Variants in ANKRD10 observed in about 807,000 individuals in gnomAD.
The protein encoded by ANKRD10 is ankyrin repeat domain 10, also known as ankyrin repeat domain-containing protein 10.
In ANKRD10, 14 loss-of-function variants were observed where a neutral mutation model predicts 27.0. The observed-to-expected ratio is 0.52, with a 90% CI of 0.34 to 0.81. The LOEUF is 0.81. Ranked by LOEUF, ANKRD10 falls within the 40% of genes least tolerant of loss-of-function variation. The pLI is 0.01. For synonymous variants in ANKRD10, 250 were observed against 224.5 expected (o/e 1.11, Z -1.01); for missense variants, 493 against 544.0 (o/e 0.91, Z 0.93).
chr13:110,904,953 G>A (rs939959225), intron 3 of ANKRD10: 8 of 152,152 alleles, frequency 5.3e-5, no homozygotes, highest in African/African-American at 1.7e-4. Flanking sequence ...TAGCCTGTAT[G>A]GTTTTGCTGT....
In ANKRD10 at chr13:110,893,021, G is replaced by C. The variant is rs1325475589; in HGVS notation, c.691+7C>G. ...GTGTGCTCTTCCCACCCGCAAAGCG[G>C]TCTCACCTTCAGTTCTAGCTTTCTT... On this transcript the variant is annotated splice_region_variant and intron_variant, in intron 4 of 5. Coordinates refer to ENST00000267339, the MANE Select transcript of ANKRD10 (RefSeq NM_017664.4). 6.2e-7 allele frequency: 1 copy of C among 1,613,466 alleles called. No homozygotes were observed. The highest frequency in any genetic ancestry group is 8.5e-7 in the Non-Finnish European group (1 of 1,179,758).
In ANKRD10 at chr13:110,915,005, C is replaced by A; in HGVS notation, c.-71G>T. Reference sequence around the variant, plus strand: ...TCGGGGAGGACTCGAGAAGCCGCCGCCGCAGCACAAAGGAACGAGACTAGC... The same window carrying A: ...TCGGGGAGGACTCGAGAAGCCGCCGACGCAGCACAAAGGAACGAGACTAGC... On this transcript the variant is annotated 5_prime_UTR_variant, in exon 1 of 6. Transcript: ENST00000267339. The A allele has an allele frequency of 6.7e-7, 1 of 1,483,740 alleles. No homozygotes were observed. The highest frequency in any genetic ancestry group is 8.9e-7 in the Non-Finnish European group (1 of 1,122,084). 91.9% of individuals were successfully genotyped at this position (1,483,740 alleles called of 1,614,324 possible). A position where few individuals can be genotyped will look rare whatever the true frequency, so the allele number is the denominator to read the frequency against.
At chr13:110,885,024 A>C (rs545525991) in intron 4 of ANKRD10, among the ~76,000 whole-genome samples, 1 of 150,698 alleles carries the variant, frequency 6.6e-6, no homozygotes, top group Non-Finnish European at 1.5e-5. Flanking sequence ...GAACAGTGTG[A>C]TTTGTGTAGT....
rs1192763880 is a variant in ANKRD10, at chr13:110,893,099, C to T, written c.620G>A (p.Ser207Asn). 2 of 1,614,116 alleles carry T rather than the reference C, an allele frequency of 1.2e-6. No individual in the cohort carries two copies. The highest frequency in any genetic ancestry group is 2.7e-5 in the African/African-American group (2 of 74,930). Residue 207 changes from serine to asparagine, a missense_variant, in exon 4 of 6, where the codon AGT becomes AAT. Ser to Asn is a conservative substitution (Grantham distance 46, BLOSUM62 1). Transcript: ENST00000267339. ...GCATCTCTTTCGATTTGTTCCCACA[C>T]TAATATGATTAGGAAATACATTCTG... ...GHQNVFPNHISVGTNRKRCLE... is the reference protein window; with the variant it reads ...GHQNVFPNHINVGTNRKRCLE...
intron 3 of ANKRD10, among the ~76,000 whole-genome samples, chr13:110,903,872 G>A (rs763668236): frequency 8.6e-5 from 13 of 151,904 alleles, no homozygotes; most frequent in East Asian, 1.9e-4. Context: ...CTCCTTGAAC[G>A]TCTTAAAAAA....
intron 1 of ANKRD10, among the ~76,000 whole-genome samples, chr13:110,913,372 T>C (rs1306874163): frequency 3.3e-5 from 5 of 152,182 alleles, no homozygotes. Flanking sequence ...GGAGGCTTTA[T>C]TACTTTTGTT....
intron 4 of ANKRD10, among the ~76,000 whole-genome samples, chr13:110,886,965 G>C (rs897884395): frequency 1.3e-5 from 2 of 152,168 alleles, no homozygotes; most frequent in African/African-American, 4.8e-5. Flanking sequence ...TAGTACACCT[G>C]AGACACAACG....
rs1222436825 is a variant in ANKRD10 at position 110,915,032 on chromosome 13, C to T, written c.-98G>A. The T allele has an allele frequency of 3.5e-6, 5 of 1,442,948 alleles. No individual in the cohort carries two copies. In the Admixed American group the frequency reaches 7.7e-5, roughly 22 times the overall value. 89.4% of individuals were successfully genotyped at this position (1,442,948 alleles called of 1,614,324 possible). On this transcript the variant is annotated 5_prime_UTR_variant, in exon 1 of 6. Coordinates refer to ENST00000267339, the MANE Select transcript of ANKRD10 (RefSeq NM_017664.4). ...GCAGCACAAAGGAACGAGACTAGCG[C>T]CGCGGTCGCGTCCCACAGGCTGCCG...
intron 1 of ANKRD10, chr13:110,914,435 G>T: frequency 3.9e-6 from 1 of 258,470 alleles, no homozygotes; most frequent in Non-Finnish European, 7.2e-6. Context: ...CTTGGAGCCC[G>T]CCTTGTTAGA....
rs1202468463 is a variant in ANKRD10 at position 110,886,704 on chromosome 13, ATCATT to A, written c.692-2916_692-2912del. Among the ~76,000 whole-genome samples, 3 of 152,324 alleles carry A rather than the reference ATCATT, an allele frequency of 2.0e-5. No homozygotes were observed. The East Asian group carries it at 5.8e-4, about 29-fold the overall frequency. The stretch of plus-strand genomic sequence containing the variant: ...CACACCTGTTGCCATTGCTGAAGGA[ATCATT>A]TAATTACACCTTGCATTTGAGAAGG... On this transcript the variant is annotated intron_variant, in intron 4 of 5. Coordinates refer to ENST00000267339, the MANE Select transcript of ANKRD10 (RefSeq NM_017664.4).
At chr13:110,897,302 T>A (rs1237819627) in intron 3 of ANKRD10, among the ~76,000 whole-genome samples, 1 of 150,018 alleles carries the variant, frequency 6.7e-6, no homozygotes, top group African/African-American at 2.5e-5. Flanking sequence ...TACTTTTTTT[T>A]TTTTTTTTTT....
At chr13:110,902,379 T>C (rs2065409664) in intron 3 of ANKRD10, among the ~76,000 whole-genome samples, 1 of 152,156 alleles carries the variant, frequency 6.6e-6, no homozygotes, top group Admixed American at 6.5e-5. Flanking sequence ...CAAAGGTGGG[T>C]CATAAATGGT....
intron 5 of ANKRD10, among the ~76,000 whole-genome samples, chr13:110,880,545 G>A (rs1390615791): frequency 6.6e-6 from 1 of 152,126 alleles, no homozygotes; most frequent in African/African-American, 2.4e-5. Context: ...AACTTCTCTA[G>A]TTCTCAAGCG....
At chr13:110,881,007 G>A (rs945236700) in intron 5 of ANKRD10, among the ~76,000 whole-genome samples, 1 of 152,204 alleles carries the variant, frequency 6.6e-6, no homozygotes, top group African/African-American at 2.4e-5. Flanking sequence ...CTATCAGGAG[G>A]GAGACGTCTT....
intron 3 of ANKRD10, among the ~76,000 whole-genome samples, chr13:110,895,876 C>T (rs2065212883): frequency 6.6e-6 from 1 of 152,160 alleles, no homozygotes; most frequent in African/African-American, 2.4e-5. Flanking sequence ...GGTAAGCTCT[C>T]CCACTTCACT....
intron 4 of ANKRD10, among the ~76,000 whole-genome samples, chr13:110,886,875 G>A (rs1375245912): frequency 1.3e-5 from 2 of 149,228 alleles, no homozygotes; most frequent in Admixed American, 1.3e-4. Context: ...GAAAATGTTA[G>A]TATGACCACT....
At chr13:110,887,905 T>A (rs986565843) in intron 4 of ANKRD10, among the ~76,000 whole-genome samples, 2 of 152,186 alleles carry the variant, frequency 1.3e-5, no homozygotes, top group Non-Finnish European at 2.9e-5. Context: ...CAATGTCCTC[T>A]CATTAAGGCA....
intron 2 of ANKRD10, among the ~76,000 whole-genome samples, chr13:110,909,488 C>T (rs980007131): frequency 2.0e-5 from 3 of 152,172 alleles, no homozygotes; most frequent in Non-Finnish European, 2.9e-5. Flanking sequence ...TAAAGGCACA[C>T]GTGTGGAGAT....
chr13:110,894,081 T>C (rs753292168), intron 3 of ANKRD10: 3 of 1,484,974 alleles, frequency 2.0e-6, no homozygotes, highest in South Asian at 1.1e-5. Context: ...AAGAGCTGAA[T>C]AAAATAGAGT....
Sources: allele counts gnomAD v4.1 joint callset (sites outside exome capture counted in the v4.1 genomes callset), GRCh38; gene constraint gnomAD v4.1.1; transcripts MANE v1.5; gene names NCBI Gene and HGNC (gene_info 2026-07-23, HGNC 2026-07-21).